Variants in MED12L observed in about 807,000 individuals in gnomAD.
MED12L encodes the protein mediator of RNA polymerase II transcription subunit 12-like protein.
Under a neutral mutation model 281.3 loss-of-function variants are expected in MED12L, and 60 were observed. The ratio of observed to expected loss-of-function variants is 0.21; its 90% CI spans 0.17 to 0.26. The LOEUF is 0.26. MED12L is among the 10% of genes least tolerant of loss of function. The pLI, the probability that MED12L is intolerant of heterozygous loss-of-function variation, is 1.00. For synonymous variants in MED12L, 974 were observed against 987.2 expected (o/e 0.99, Z 0.25); for missense variants, 2,146 against 2,680.9 (o/e 0.80, Z 4.41).
intron 16 of MED12L, among the ~76,000 whole-genome samples, chr3:151,334,797 G>A (rs146088479): frequency 2.6e-3 from 402 of 152,216 alleles, no homozygotes; most frequent in African/African-American, 9.1e-3. Flanking sequence ...ACTGCACCAG[G>A]TCCCCCAGTC....
Position 151,368,145 on chromosome 3 carries a change from C to G in MED12L, c.3449-5C>G, listed in dbSNP as rs748450749. 6.2e-7 allele frequency: 1 copy of G among 1,613,144 alleles called. No individual in the cohort carries two copies. The highest frequency in any genetic ancestry group is 1.1e-5 in the South Asian group (1 of 91,046). ...AAACTTGCTTTTCCAATCCCCCTTT[C>G]CTAGCTTGTGGGGATGCGGACGCCG... On this transcript the variant is annotated splice_region_variant and splice_polypyrimidine_tract_variant and intron_variant, in intron 24 of 44. Transcript: ENST00000687756.
intron 16 of MED12L, among the ~76,000 whole-genome samples, chr3:151,254,321 C>T (rs774994534): frequency 3.9e-5 from 6 of 152,226 alleles, no homozygotes; most frequent in East Asian, 3.9e-4. Flanking sequence ...CTTTCATTCA[C>T]GTAACTAGAG....
At chr3:151,232,760 A>T (rs1731951029) in intron 16 of MED12L, among the ~76,000 whole-genome samples, 1 of 152,154 alleles carries the variant, frequency 6.6e-6, no homozygotes, top group Non-Finnish European at 1.5e-5. Flanking sequence ...CACAAAGGGA[A>T]CAGTAGACAC....
At chr3:151,352,836 A>G (rs1158862254) in intron 17 of MED12L, among the ~76,000 whole-genome samples, 1 of 152,208 alleles carries the variant, frequency 6.6e-6, no homozygotes, top group Non-Finnish European at 1.5e-5. Flanking sequence ...TAAGAGGCTA[A>G]AGTTTCAGGA....
intron 3 of MED12L, among the ~76,000 whole-genome samples, chr3:151,119,312 TGGG>T (rs1295031954): frequency 6.6e-6 from 1 of 151,950 alleles, no homozygotes; most frequent in African/African-American, 2.4e-5. Context: ...TACTTCAGAC[TGGG>T]TGTCTTAAAC....
chr3:151,298,474 C>T (rs529342527), intron 16 of MED12L, among the ~76,000 whole-genome samples: 1 of 152,290 alleles, frequency 6.6e-6, no homozygotes, highest in East Asian at 1.9e-4. Flanking sequence ...TTCTTGTTTA[C>T]TAGGGTGGTA....
chr3:151,121,860 C>T (rs1489706131), intron 3 of MED12L, among the ~76,000 whole-genome samples: 2 of 150,194 alleles, frequency 1.3e-5, no homozygotes, highest in Admixed American at 6.7e-5. Context: ...GGATTATAAG[C>T]GCATGCCAGG....
At position 151,365,868 on chromosome 3, in the gene MED12L, T is replaced by C. The variant is rs769865448; in HGVS notation, c.3204T>C (p.Asn1068=). The change falls in exon 23 of 45, where the codon AAT becomes AAC. Residue 1068 remains asparagine, a synonymous_variant. Transcript: ENST00000687756. ...QDAGRINDIA[N]FSSELTACCT... is the part of the protein sequence containing the mutation. Reference sequence around the variant, plus strand: ...TTTCTAGGATTAACGACATAGCCAATTTCTCCTCTGAGCTTACGGCTTGCT... The same window carrying C: ...TTTCTAGGATTAACGACATAGCCAACTTCTCCTCTGAGCTTACGGCTTGCT... The C allele has an allele frequency of 6.2e-7, 1 of 1,610,556 alleles. No individual in the cohort carries two copies. Among genetic ancestry groups the C allele is most frequent in the Non-Finnish European group, 8.5e-7 (1 of 1,178,292 alleles).
At chr3:151,103,180 G>GGCT (rs1212459969) in intron 2 of MED12L, among the ~76,000 whole-genome samples, 13 of 91,260 alleles carry the variant, frequency 1.4e-4, no homozygotes, top group African/African-American at 1.1e-3. Context: ...AATACCTTAA[G>GGCT]TCTGCTTTAT....
chr3:151,170,476 A>G (rs1209708872), intron 11 of MED12L, among the ~76,000 whole-genome samples: 1 of 151,754 alleles, frequency 6.6e-6, no homozygotes. Context: ...GGGTTTCACC[A>G]TGTTGGCCAG....
chr3:151,419,813 G>C (rs1341732974), intron 43 of MED12L, among the ~76,000 whole-genome samples: 1 of 152,188 alleles, frequency 6.6e-6, no homozygotes, highest in Non-Finnish European at 1.5e-5. Flanking sequence ...CTTAAATCCT[G>C]ATATGAAGTC....
Position 151,158,669 on chromosome 3 carries a change from T to C in MED12L, c.727-20T>C. The C allele has an allele frequency of 1.3e-6, 2 of 1,523,620 alleles. No individual in the cohort carries two copies. The highest frequency in any genetic ancestry group is 1.8e-6 in the Non-Finnish European group (2 of 1,103,162). 94.4% of individuals were successfully genotyped at this position (1,523,620 alleles called of 1,614,324 possible). A position where few individuals can be genotyped will look rare whatever the true frequency, so the allele number is the denominator to read the frequency against. On this transcript the variant is annotated intron_variant, in intron 6 of 44. Transcript: ENST00000687756. ...TTTTTCTTTAACATTATTAATGTAATTTTTCTTTGTTCATTTAAGGAAGGA... is the reference window on the plus strand; with the variant it reads ...TTTTTCTTTAACATTATTAATGTAACTTTTCTTTGTTCATTTAAGGAAGGA...
chr3:151,198,477 T>C, intron 16 of MED12L: 1 of 1,613,186 alleles, frequency 6.2e-7, no homozygotes, highest in Non-Finnish European at 8.5e-7. Context: ...TTGGTCTCTT[T>C]AGGTGAGGCA....
chr3:151,088,869 T>C (rs189331098), intron 2 of MED12L, among the ~76,000 whole-genome samples: 32 of 152,320 alleles, frequency 2.1e-4, no homozygotes, highest in Admixed American at 5.2e-4. Context: ...GGATGATTTA[T>C]GCTAAATTAT....
In MED12L at chr3:151,378,022, C is replaced by T. The variant is rs375835013; in HGVS notation, c.4327C>T (p.Arg1443Cys). The T allele has an allele frequency of 2.9e-5, 46 of 1,603,548 alleles. No homozygotes were observed. In the Admixed American group the frequency reaches 3.9e-4, roughly 14 times the overall value. ...GIKTFLSSSE[R>C]RGVWLVAPLI... Reference sequence around the variant, plus strand: ...TGTTTCTGATTTTAGTTCCTCCGAACGCAGGGGTGTATGGTTGGTGGCCCC... The same window carrying T: ...TGTTTCTGATTTTAGTTCCTCCGAATGCAGGGGTGTATGGTTGGTGGCCCC... Residue 1443 changes from arginine to cysteine, a missense_variant, in exon 31 of 45, where the codon CGC becomes TGC. Physicochemically the swap from Arg to Cys is radical, Grantham distance 180. Around this residue, in one of 9 missense-constraint regions of MED12L, gnomAD observed 235 missense variants for 260.3 expected, o/e 0.90. Transcript: ENST00000687756.
At chr3:151,280,032 G>A (rs1194718488) in intron 16 of MED12L, among the ~76,000 whole-genome samples, 2 of 152,204 alleles carry the variant, frequency 1.3e-5, no homozygotes, top group Non-Finnish European at 2.9e-5. Flanking sequence ...ATGTTATTGA[G>A]TATGACTGGG....
chr3:151,110,387 G>A (rs1711678725), intron 2 of MED12L, among the ~76,000 whole-genome samples: 1 of 152,176 alleles, frequency 6.6e-6, no homozygotes, highest in Admixed American at 6.5e-5. Context: ...ACTCCCTGAG[G>A]CTGTGGTTTT....
At position 151,158,727 on chromosome 3, in the gene MED12L, C is replaced by T. The variant is rs1308066087; in HGVS notation, c.765C>T (p.Ile255=). ...AAAAACACGAATATTTGACATGGAT[C>T]CTGGATGTTTTAGAAAAGATCAGAC... ...MLEKHEYLTW[I]LDVLEKIRPM... Residue 255 remains isoleucine, a synonymous_variant, in exon 7 of 45, where the codon ATC becomes ATT. Transcript: ENST00000687756. 6.2e-7 allele frequency: 1 copy of T among 1,612,136 alleles called. No individual in the cohort carries two copies. Among genetic ancestry groups the T allele is most frequent in the Non-Finnish European group, 8.5e-7 (1 of 1,179,092 alleles).
intron 16 of MED12L, among the ~76,000 whole-genome samples, chr3:151,236,951 G>A (rs1343205523): frequency 6.6e-6 from 1 of 151,914 alleles, no homozygotes; most frequent in Non-Finnish European, 1.5e-5. Context: ...GCCTATTGAT[G>A]GACATTTGAA....
Sources: allele counts gnomAD v4.1 joint callset (sites outside exome capture counted in the v4.1 genomes callset), GRCh38; gene constraint gnomAD v4.1.1; regional missense constraint gnomAD v4.1.1; transcripts MANE v1.5; gene names NCBI Gene and HGNC (gene_info 2026-07-23, HGNC 2026-07-21).